Variants in ZNF507 observed in about 807,000 individuals in gnomAD.
ZNF507 encodes zinc finger protein 507.
A neutral mutation model predicts 80.0 loss-of-function variants in ZNF507; 29 were observed. That is an observed-to-expected ratio of 0.36 (90% CI 0.27 to 0.49). The LOEUF is 0.49. Among genes scored for constraint, ZNF507 ranks in the 20% least tolerant of loss-of-function variants. The pLI is 0.98. For synonymous variants in ZNF507, 462 were observed against 422.5 expected (o/e 1.09, Z -1.15); for missense variants, 1,081 against 1,152.2 (o/e 0.94, Z 0.90).
chr19:32,377,378 CTTCCGCTCCTATCTCTATA>C (rs1967564467), intron 5 of ZNF507, among the ~76,000 whole-genome samples: 1 of 152,158 alleles, frequency 6.6e-6, no homozygotes, highest in Non-Finnish European at 1.5e-5. Context: ...CACTGTGTCC[CTTCCGCTCCTATCTCTATA>C]TGGCCTGGTT....
chr19:32,364,242 G>A (rs1268544247), intron 5 of ZNF507, among the ~76,000 whole-genome samples: 4 of 152,160 alleles, frequency 2.6e-5, no homozygotes, highest in African/African-American at 9.7e-5. Context: ...CTATCCCAGT[G>A]CCTACCAATG....
intron 5 of ZNF507, among the ~76,000 whole-genome samples, chr19:32,369,920 C>A (rs1967447037): frequency 6.6e-6 from 1 of 152,108 alleles, no homozygotes; most frequent in African/African-American, 2.4e-5. Flanking sequence ...CACCCCCAGC[C>A]CCTGGTAACC....
chr19:32,351,533 C>CGGGGGGGGGGGG (rs368340292), intron 2 of ZNF507, among the ~76,000 whole-genome samples: 2 of 16,980 alleles, frequency 1.2e-4, no homozygotes, highest in African/African-American at 3.0e-4. Context: ...GGCGTGGGGG[C>CGGGGGGGGGGGG]GGGCGGGGCC....
At position 32,384,246 on chromosome 19, in the gene ZNF507, A is replaced by G. The variant is rs185121279; in HGVS notation, c.*1163A>G. 1.3e-4 allele frequency: 20 copies of G among 152,320 alleles called. No individual in the cohort carries two copies. The highest frequency in any genetic ancestry group is 7.9e-4 in the Admixed American group (12 of 15,286). 9.4% of individuals were successfully genotyped at this position (152,320 alleles called of 1,614,324 possible). ...AGGATTCTTCCTATCTGGAAATTCT[A>G]TTTTGTTAGAGTGCGATAGGACATA... On this transcript the variant is annotated 3_prime_UTR_variant, in exon 7 of 7. Transcript: ENST00000355898.
At chr19:32,382,691 T>C in intron 6 of ZNF507, 26 bp from the exon 7 acceptor site, 2 of 1,609,476 alleles carry the variant, frequency 1.2e-6, no homozygotes, top group Middle Eastern at 1.7e-4. Flanking sequence ...CTCCTCACGG[T>C]GTGCTGTGTT....
intron 4 of ZNF507, chr19:32,359,687 G>C (rs1260689354): frequency 6.6e-6 from 1 of 152,180 alleles, no homozygotes; most frequent in Non-Finnish European, 1.5e-5. Flanking sequence ...CTTTTCGTTG[G>C]ATCCATGTCT....
chr19:32,372,469 C>T (rs574270090), intron 5 of ZNF507, among the ~76,000 whole-genome samples: 1 of 152,152 alleles, frequency 6.6e-6, no homozygotes, highest in Non-Finnish European at 1.5e-5. Flanking sequence ...ACCCACAACG[C>T]TCCACATGAA....
intron 5 of ZNF507, among the ~76,000 whole-genome samples, chr19:32,373,421 A>G (rs1363555297): frequency 1.3e-5 from 2 of 152,186 alleles, no homozygotes; most frequent in African/African-American, 2.4e-5. Flanking sequence ...GAGAAATAAA[A>G]TGTTTTGTCT....
Position 32,352,853 on chromosome 19 carries a change from C to T in ZNF507, c.23C>T (p.Ala8Val). ...GATATGGAAGAAAGTAGCAGTGTTG[C>T]CATGTTGGTGCCAGATATTGGGGAA... Reference protein sequence around the residue: MEESSSVAMLVPDIGEQE... With the variant: MEESSSVVMLVPDIGEQE... Residue 8 changes from alanine (A) to valine (V), a missense_variant, in exon 3 of 7, where the codon GCC becomes GTC. Ala to Val is a moderately conservative substitution (Grantham distance 64). Around this residue, in one of 6 missense-constraint regions of ZNF507, gnomAD observed 275 missense variants for 303.9 expected, o/e 0.90. Transcript: ENST00000355898. The T allele has an allele frequency of 6.3e-7, 1 of 1,588,478 alleles. No individual in the cohort carries two copies. Among genetic ancestry groups the T allele is most frequent in the Non-Finnish European group, 8.5e-7 (1 of 1,170,856 alleles).
At chr19:32,351,908 G>C (rs1329669146) in intron 2 of ZNF507, among the ~76,000 whole-genome samples, 1 of 152,100 alleles carries the variant, frequency 6.6e-6, no homozygotes, top group African/African-American at 2.4e-5. Context: ...TCTAGACTTA[G>C]GCAGAAAGAT....
intron 5 of ZNF507, among the ~76,000 whole-genome samples, chr19:32,376,507 G>A (rs533054799): frequency 2.6e-5 from 4 of 152,318 alleles, no homozygotes; most frequent in Admixed American, 2.0e-4. Flanking sequence ...AACTTGAGGT[G>A]TGGCAGCAGG....
chr19:32,353,266 C>A lies in ZNF507; in HGVS notation c.436C>A (p.Gln146Lys), dbSNP rs1478044220. ...TTCCGTGTTAAAAGATCATATTAAG[C>A]AACATGGTCAGCAAAATGAAGTGAT... is the stretch of plus-strand genomic sequence containing the variant. ...SFSVLKDHIKQHGQQNEVILM... is the reference protein window; with the variant it reads ...SFSVLKDHIKKHGQQNEVILM... Residue 146 changes from glutamine to lysine, a missense_variant, in exon 3 of 7, where the codon CAA (glutamine) becomes AAA (lysine). Physicochemically the swap from Gln to Lys is moderately conservative, Grantham distance 53. Coordinates refer to ENST00000355898, the MANE Select transcript of ZNF507 (RefSeq NM_001136156.2). 1 of 1,614,070 alleles carries A rather than the reference C, an allele frequency of 6.2e-7. No individual in the cohort carries two copies. The highest frequency in any genetic ancestry group is 8.5e-7 in the Non-Finnish European group (1 of 1,180,046).
Position 32,354,126 on chromosome 19 carries a change from G to C in ZNF507, c.1296G>C (p.Gln432His), listed in dbSNP as rs12327571. 1.2e-6 allele frequency: 2 copies of C among 1,613,348 alleles called. No individual in the cohort carries two copies. The highest frequency in any genetic ancestry group is 1.7e-5 in the Admixed American group (1 of 60,000). Residue 432 changes from glutamine (Q) to histidine (H), a missense_variant, in exon 3 of 7, where the codon CAG (glutamine) becomes CAC (histidine). This residue lies in a region of ZNF507 where 614 missense variants were observed against 583.9 expected (regional missense o/e 1.05). Coordinates refer to ENST00000355898, the MANE Select transcript of ZNF507 (RefSeq NM_001136156.2). ...EGKDLSLTEA[Q>H]IGREGMDDVY... ...AGGACCTGAGCCTGACAGAAGCTCAGATTGGGCGCGAAGGAATGGATGATG... is the reference window on the plus strand; with the variant it reads ...AGGACCTGAGCCTGACAGAAGCTCACATTGGGCGCGAAGGAATGGATGATG...
At chr19:32,349,868 G>C (rs1263498730) in intron 2 of ZNF507, among the ~76,000 whole-genome samples, 1 of 152,180 alleles carries the variant, frequency 6.6e-6, no homozygotes, top group Non-Finnish European at 1.5e-5. Flanking sequence ...TACAGAATTA[G>C]TCATTCTTTC....
intron 5 of ZNF507, among the ~76,000 whole-genome samples, chr19:32,376,232 T>C (rs1026270622): frequency 1.3e-5 from 2 of 152,198 alleles, no homozygotes; most frequent in African/African-American, 2.4e-5. Context: ...AATGGTTATA[T>C]CTAGTGATAA....
Position 32,360,624 on chromosome 19 carries a change from T to C in ZNF507, c.2360+6T>C. ...AACTCTGATAAGCCGTACAGGTAAG[T>C]GTTATGATTCTAGAATTTTAATGTT... is the stretch of plus-strand genomic sequence containing the variant. On this transcript the variant is annotated splice_donor_region_variant and intron_variant, in intron 5 of 6. Coordinates refer to ENST00000355898, the MANE Select transcript of ZNF507 (RefSeq NM_001136156.2). 2 of 1,465,618 alleles carry C rather than the reference T, an allele frequency of 1.4e-6. No individual in the cohort carries two copies. 90.8% of individuals were successfully genotyped at this position (1,465,618 alleles called of 1,614,324 possible).
chr19:32,375,394 A>G (rs773925712), intron 5 of ZNF507, among the ~76,000 whole-genome samples: 1 of 152,238 alleles, frequency 6.6e-6, no homozygotes, highest in Non-Finnish European at 1.5e-5. Context: ...CACAAGAAAC[A>G]TGAAGGACAC....
At chr19:32,370,990 T>A (rs559371267) in intron 5 of ZNF507, among the ~76,000 whole-genome samples, 1 of 152,344 alleles carries the variant, frequency 6.6e-6, no homozygotes, top group East Asian at 1.9e-4. Flanking sequence ...GACTGTTCTT[T>A]CTCCATTATG....
intron 5 of ZNF507, among the ~76,000 whole-genome samples, chr19:32,361,442 T>G (rs955102960): frequency 1.3e-5 from 2 of 152,194 alleles, no homozygotes; most frequent in African/African-American, 4.8e-5. Flanking sequence ...ACCTGACAGA[T>G]TGTGCCATAA....
Sources: gnomAD v4.1 joint callset for allele counts (sites outside exome capture counted in the v4.1 genomes callset) on GRCh38, gnomAD v4.1.1 for gene constraint, gnomAD v4.1.1 regional missense constraint, MANE v1.5 for transcripts, NCBI Gene and HGNC (gene_info 2026-07-23, HGNC 2026-07-21) for gene names.